The following RABGAP1 variants were observed in gnomAD, a reference collection of about 807,000 sequenced individuals.
The protein encoded by RABGAP1 is RAB GTPase activating protein 1, also known as rab GTPase-activating protein 1.
RABGAP1 carries 23 observed loss-of-function variants against 137.6 expected under a neutral mutation model. The observed-to-expected ratio is 0.17, with a 90% CI of 0.12 to 0.24. The LOEUF is 0.24. RABGAP1 is among the 10% of genes least tolerant of loss of function. RABGAP1 has a pLI of 1.00. For missense variants in RABGAP1, 906 were observed against 1,275.8 expected, an observed-to-expected ratio of 0.71 and a Z score of 4.42; for synonymous variants, 451 against 450.7, an observed-to-expected ratio of 1.00 and a Z score of -0.01.
At chr9:122,948,864 A>G (rs957747555) in intron 1 of RABGAP1, among the ~76,000 whole-genome samples, 3 of 152,188 alleles carry the variant, frequency 2.0e-5, no homozygotes, top group African/African-American at 7.2e-5. Context: ...CTTAGACCCT[A>G]CTAGTTAAAC....
intron 13 of RABGAP1, among the ~76,000 whole-genome samples, chr9:123,027,545 A>C (rs1295602412): frequency 6.6e-6 from 1 of 152,228 alleles, no homozygotes; most frequent in Non-Finnish European, 1.5e-5. Flanking sequence ...TTAATTAACA[A>C]CTTCTGTCTG....
the RABGAP1 span, among the ~76,000 whole-genome samples, chr9:122,932,959 A>AT: frequency 6.6e-6 from 1 of 152,226 alleles, no homozygotes; most frequent in African/African-American, 2.4e-5. Context: ...ACTTTGTATG[A>AT]TATCTATCTT....
intron 19 of RABGAP1, among the ~76,000 whole-genome samples, chr9:123,081,572 G>A (rs1405331582): frequency 6.6e-6 from 1 of 151,992 alleles, no homozygotes; most frequent in African/African-American, 2.4e-5. Flanking sequence ...AAGTAGCTGC[G>A]AGTACAGGCA....
At chr9:123,054,836 A>G (rs1424917831) in intron 13 of RABGAP1, among the ~76,000 whole-genome samples, 4 of 152,270 alleles carry the variant, frequency 2.6e-5, no homozygotes, top group Middle Eastern at 3.4e-3. Flanking sequence ...TCATGAAGTC[A>G]TGAATTTTGA....
intron 11 of RABGAP1, 42 bp downstream of exon 11, chr9:123,010,570 G>C (rs747535015): frequency 2.6e-6 from 4 of 1,549,592 alleles, no homozygotes; most frequent in Non-Finnish European, 3.5e-6. Context: ...GGGGGTGGAA[G>C]ACCATGCAAA....
chr9:122,968,724 C>T (rs899483257), intron 2 of RABGAP1, among the ~76,000 whole-genome samples: 1 of 152,070 alleles, frequency 6.6e-6, no homozygotes. Flanking sequence ...AAGTGATTCT[C>T]CTGCCTCAGC....
chr9:123,072,770 G>C (rs1224341040), intron 15 of RABGAP1, among the ~76,000 whole-genome samples: 1 of 152,162 alleles, frequency 6.6e-6, no homozygotes, highest in African/African-American at 2.4e-5. Flanking sequence ...TCTTCTCAGT[G>C]ATTTCTGTGC....
intron 2 of RABGAP1, among the ~76,000 whole-genome samples, chr9:122,959,387 G>T (rs1044318144): frequency 1.5e-5 from 2 of 134,706 alleles, no homozygotes; most frequent in Admixed American, 1.5e-4. Context: ...AAAAAAAAGA[G>T]TGGAAATTTT....
intron 2 of RABGAP1, among the ~76,000 whole-genome samples, chr9:122,968,092 A>G (rs563172952): frequency 6.6e-6 from 1 of 152,206 alleles, no homozygotes; most frequent in South Asian, 2.1e-4. Context: ...GTTAATGTGT[A>G]TATATGCATT....
intron 16 of RABGAP1, 145 bp downstream of exon 16, chr9:123,073,822 T>TA: frequency 8.9e-7 from 1 of 1,129,656 alleles, no homozygotes; most frequent in Non-Finnish European, 1.3e-6. Context: ...TTTATCACTA[T>TA]GTGATTATGA....
intron 13 of RABGAP1, among the ~76,000 whole-genome samples, chr9:123,043,285 C>T (rs978542160): frequency 6.6e-6 from 1 of 151,976 alleles, no homozygotes; most frequent in Non-Finnish European, 1.5e-5. Flanking sequence ...GAAAGCTCTA[C>T]GAAAGCAACT....
At chr9:122,975,346 T>C (rs1393476952) in intron 2 of RABGAP1, among the ~76,000 whole-genome samples, 1 of 152,220 alleles carries the variant, frequency 6.6e-6, no homozygotes, top group Non-Finnish European at 1.5e-5. Flanking sequence ...ACAAGGACTA[T>C]AAAATTAGAA....
At chr9:123,101,969 T>C (rs537893730) in intron 25 of RABGAP1, among the ~76,000 whole-genome samples, 2 of 152,336 alleles carry the variant, frequency 1.3e-5, no homozygotes, top group African/African-American at 2.4e-5. Context: ...TCCGCTGTCA[T>C]ATTGAGAATA....
chr9:123,054,575 A>G (rs60945606), intron 13 of RABGAP1, among the ~76,000 whole-genome samples: 3 of 152,318 alleles, frequency 2.0e-5, no homozygotes, highest in East Asian at 3.9e-4. Context: ...TAATAACTCA[A>G]TATTGAGATG....
chr9:123,089,739 C>T lies in RABGAP1; in HGVS notation c.2425-19C>T. On this transcript the variant is annotated intron_variant, in intron 19 of 25. Transcript: ENST00000373647. ...TACTTTCTAATACTTCTTAATTTAC[C>T]CTATGATTTATCCTACAGATTAGTC... The T allele has an allele frequency of 6.3e-7, 1 of 1,592,580 alleles. No homozygotes were observed. Among genetic ancestry groups the T allele is most frequent in the South Asian group, 1.1e-5 (1 of 89,492 alleles).
intron 13 of RABGAP1, among the ~76,000 whole-genome samples, chr9:123,031,974 A>AG (rs2032324828): frequency 6.6e-6 from 1 of 152,230 alleles, no homozygotes; most frequent in Non-Finnish European, 1.5e-5. Context: ...AGCTACCTTC[A>AG]GTGCTTTGTA....
intron 19 of RABGAP1, among the ~76,000 whole-genome samples, chr9:123,078,619 C>G (rs190139623): frequency 1.1e-4 from 17 of 152,296 alleles, no homozygotes; most frequent in Admixed American, 2.0e-4. Flanking sequence ...CCACCTCAGC[C>G]TGGTTCAGCA....
intron 1 of RABGAP1, among the ~76,000 whole-genome samples, chr9:122,955,007 T>C (rs951723374): frequency 1.3e-5 from 2 of 152,170 alleles, no homozygotes; most frequent in Non-Finnish European, 2.9e-5. Flanking sequence ...GGAACAGATA[T>C]AAGGGCAACA....
intron 2 of RABGAP1, among the ~76,000 whole-genome samples, chr9:122,978,865 AT>A (rs937299995): frequency 1.3e-5 from 2 of 149,088 alleles, no homozygotes; most frequent in African/African-American, 4.9e-5. Context: ...GTTGTTTTGA[AT>A]TTTAGTCATT....
Sources: gnomAD v4.1 joint callset for allele counts (sites outside exome capture counted in the v4.1 genomes callset) on GRCh38, gnomAD v4.1.1 for gene constraint, MANE v1.5 for transcripts, NCBI Gene and HGNC (gene_info 2026-07-23, HGNC 2026-07-21) for gene names.